The following MIER2 variants were observed in gnomAD, a reference collection of about 807,000 sequenced individuals.
MIER2 encodes the protein MIER family member 2, also known as mesoderm induction early response protein 2.
Under a neutral mutation model 67.6 loss-of-function variants are expected in MIER2, and 30 were observed. The ratio of observed to expected loss-of-function variants is 0.44; its 90% CI spans 0.33 to 0.60. MIER2 has a LOEUF of 0.60. MIER2 is among the 20% of genes least tolerant of loss of function. The pLI, the probability that MIER2 is intolerant of heterozygous loss-of-function variation, is 0.02. For synonymous variants in MIER2, 372 were observed against 312.6 expected (o/e 1.19, Z -2.00); for missense variants, 702 against 745.1 (o/e 0.94, Z 0.67).
In MIER2 at chr19:343,966, G is replaced by A. The variant is rs907727099; in HGVS notation, c.9+808C>T. The A allele has an allele frequency of 1.0e-5, 10 of 985,272 alleles. No homozygotes were observed. In the African/African-American group the frequency reaches 1.6e-4, roughly 15 times the overall value. The allele number at this position is 985,272 out of a possible 1,614,324, so 61.0% of individuals were successfully genotyped here. Reference sequence around the variant, plus strand: ...GCTATCTGTTGTCTTATCCTAGACAGTCCTAGGTGGGTTTGATCAAACATC... The same window carrying A: ...GCTATCTGTTGTCTTATCCTAGACAATCCTAGGTGGGTTTGATCAAACATC... On this transcript the variant is annotated intron_variant, in intron 1 of 13. Coordinates refer to ENST00000264819, the MANE Select transcript of MIER2 (RefSeq NM_017550.3).
intron 10 of MIER2, among the ~76,000 whole-genome samples, chr19:311,005 C>G (rs185562862): frequency 2.0e-5 from 3 of 152,262 alleles, no homozygotes; most frequent in Non-Finnish European, 4.4e-5. Context: ...CTGCTGCGCA[C>G]GGCACCGCAC....
At position 307,904 on chromosome 19, in the gene MIER2, G is replaced by A. The variant is rs117616171; in HGVS notation, c.1199-368C>T. Among the ~76,000 whole-genome samples the A allele has an allele frequency of 3.0e-3, 369 of 122,532 alleles. 3 individuals are homozygous for A. Among genetic ancestry groups the A allele is most frequent in the Middle Eastern group, 4.6e-3 (1 of 218 alleles). 80.4% of individuals were successfully genotyped at this position (122,532 alleles called of 152,430 possible). A position where few individuals can be genotyped will look rare whatever the true frequency, so the allele number is the denominator to read the frequency against. ...GGGGCGCTGCGAGGGCTAATACAGG[G>A]TCTTTGGAAGTTTTGTTCCCACAGG... On this transcript the variant is annotated intron_variant, in intron 12 of 13. Transcript: ENST00000264819.
chr19:325,880 G>A (rs1004323397), intron 6 of MIER2, among the ~76,000 whole-genome samples, 176 bp from the exon 7 acceptor site: 28 of 152,366 alleles, frequency 1.8e-4, no homozygotes, highest in African/African-American at 5.3e-4. Context: ...GGAGGCAGAG[G>A]CCTGGGTGTG....
rs2289871 is a variant in MIER2, at chr19:311,825, C to T, written c.984+20G>A. ...CCAGATCGAGAAGCCCCCGGTGGAG[C>T]CTGGCAGTGGAGTCCGCACCTTGTT... On this transcript the variant is annotated intron_variant, in intron 10 of 13. Transcript: ENST00000264819. 1.2e-6 allele frequency: 2 copies of T among 1,613,038 alleles called. No homozygotes were observed. The highest frequency in any genetic ancestry group is 1.1e-5 in the South Asian group (1 of 91,032).
At position 327,908 on chromosome 19, in the gene MIER2, CCTCA is replaced by C; in HGVS notation, c.321_324del (p.Ser107ArgfsTer12). ...GGGAGGTTCGGGGCCACGTCACCAC[CCTCA>C]CTCTCCCGGTCTGAAATGGGGTCTG... On this transcript the variant is annotated frameshift_variant, in exon 4 of 14. Transcript: ENST00000264819. LOFTEE classifies it high-confidence loss of function. The C allele has an allele frequency of 6.2e-7, 1 of 1,612,840 alleles. No homozygotes were observed. The highest frequency in any genetic ancestry group is 8.5e-7 in the Non-Finnish European group (1 of 1,179,436).
chr19:312,311 G>C (rs60199290), intron 8 of MIER2, 39 bp from the exon 9 acceptor site: 202,809 of 1,592,226 alleles, frequency 0.13, 18,736 homozygotes, highest in African/African-American at 0.48. Context: ...TGGGCTCAGC[G>C]CAGGAGCCGA....
chr19:327,183 G>A lies in MIER2; in HGVS notation c.443C>T (p.Pro148Leu), dbSNP rs201881025. Residue 148 changes from proline (P) to leucine (L), a missense_variant, in exon 5 of 14, where the codon CCG becomes CTG. Physicochemically the swap from Pro to Leu is moderately conservative, Grantham distance 98. Coordinates refer to ENST00000264819, the MANE Select transcript of MIER2 (RefSeq NM_017550.3). ...ETQSSADDLT[P>L]SVTSHEASDL... is the part of the protein sequence containing the mutation. ...GGAGGCCTCGTGGGAGGTCACGGAC[G>A]GGGTGAGGTCGTCAGCAGATGATTG... 206 of 1,596,606 alleles carry A rather than the reference G, an allele frequency of 1.3e-4. No individual in the cohort carries two copies. The highest frequency in any genetic ancestry group is 1.1e-4 in the East Asian group (5 of 44,566).
intron 1 of MIER2, among the ~76,000 whole-genome samples, chr19:339,808 TGGGA>T (rs1031599936): frequency 1.8e-5 from 2 of 112,866 alleles, no homozygotes; most frequent in African/African-American, 7.5e-5. Context: ...GGAAAGGGGC[TGGGA>T]GTTGATCTGG....
At chr19:334,932 G>T (rs1040156495) in intron 2 of MIER2, among the ~76,000 whole-genome samples, 1 of 152,140 alleles carries the variant, frequency 6.6e-6, no homozygotes, top group African/African-American at 2.4e-5. Flanking sequence ...TCCTGAAACG[G>T]GGGTGACGCT....
In MIER2 at chr19:327,147, G is replaced by C; in HGVS notation, c.479C>G (p.Pro160Arg). The change falls in exon 5 of 14, where the codon CCT (proline) becomes CGT (arginine). Residue 160 changes from proline to arginine, a missense_variant. Physicochemically the swap from Pro to Arg is moderately radical, Grantham distance 103 (BLOSUM62 -2). Coordinates refer to ENST00000264819, the MANE Select transcript of MIER2 (RefSeq NM_017550.3). Reference protein sequence around the residue: ...VTSHEASDLFPNRSGSRFLAD... With the variant: ...VTSHEASDLFRNRSGSRFLAD... ...GAGTCACCTACATCCACTCCGGTTA[G>C]GGAAGAGGTCGGAGGCCTCGTGGGA... 1 of 1,586,288 alleles carries C rather than the reference G, an allele frequency of 6.3e-7. No individual in the cohort carries two copies. Among genetic ancestry groups the C allele is most frequent in the Non-Finnish European group, 8.5e-7 (1 of 1,172,412 alleles).
At chr19:337,868 C>CAAAAAAAA (rs1418469284) in intron 1 of MIER2, among the ~76,000 whole-genome samples, 1 of 16,730 alleles carries the variant, frequency 6.0e-5, no homozygotes, top group Non-Finnish European at 9.6e-5. Context: ...GACTCCATCT[C>CAAAAAAAA]ACAAAAAAAA....
intron 1 of MIER2, among the ~76,000 whole-genome samples, chr19:340,755 T>C (rs1972467871): frequency 6.6e-6 from 1 of 152,130 alleles, no homozygotes; most frequent in Non-Finnish European, 1.5e-5. Context: ...GGAGTGACTC[T>C]GGCAACAAGG....
At chr19:317,563 T>C (rs189671070) in intron 7 of MIER2, among the ~76,000 whole-genome samples, 5 of 145,618 alleles carry the variant, frequency 3.4e-5, no homozygotes, top group African/African-American at 1.0e-4. Context: ...AATAAATAAA[T>C]AAAATAAAAA....
In MIER2 at chr19:343,879, C is replaced by T. The variant is rs1972617739; in HGVS notation, c.9+895G>A. On this transcript the variant is annotated intron_variant, in intron 1 of 13. Coordinates refer to ENST00000264819, the MANE Select transcript of MIER2 (RefSeq NM_017550.3). ...AGTCCACACAGGCTCATCCACCACT[C>T]CAAAATCAAAAAAAGCTTCAAAAGC... is the stretch of plus-strand genomic sequence containing the variant. 2.0e-6 allele frequency: 2 copies of T among 985,372 alleles called. 1 individual carries two copies. Among genetic ancestry groups the T allele is most frequent in the Middle Eastern group, 1.0e-3 (2 of 1,914 alleles). The allele number at this position is 985,372 out of a possible 1,614,324, so 61.0% of individuals were successfully genotyped here. A position where few individuals can be genotyped will look rare whatever the true frequency, so the allele number is the denominator to read the frequency against.
At chr19:313,791 GCTC>G in intron 7 of MIER2, 148 bp from the exon 8 acceptor site, 1 of 1,119,926 alleles carries the variant, frequency 8.9e-7, no homozygotes, top group Non-Finnish European at 1.2e-6. Flanking sequence ...CCATCCCTGT[GCTC>G]CTCCTGGGCT....
chr19:342,741 G>A (rs1307898849), intron 1 of MIER2, among the ~76,000 whole-genome samples: 1 of 151,566 alleles, frequency 6.6e-6, no homozygotes, highest in Non-Finnish European at 1.5e-5. Context: ...CCACTTTTAC[G>A]GGTTAAAAAC....
At chr19:320,406 T>C (rs893389832) in intron 7 of MIER2, among the ~76,000 whole-genome samples, 6 of 151,604 alleles carry the variant, frequency 4.0e-5, no homozygotes, top group African/African-American at 1.5e-4. Context: ...GATAGATAAA[T>C]AAATAAAATT....
In MIER2 at chr19:310,621, G is replaced by GC. The variant is rs1186077852; in HGVS notation, c.984+1223dup. ...CACAGCCGGGAGCTATAGAAACACAGCCCGGAGCTATAGAAACAGCCCAGA... is the reference window on the plus strand; with the variant it reads ...CACAGCCGGGAGCTATAGAAACACAGCCCCGGAGCTATAGAAACAGCCCAGA... On this transcript the variant is annotated intron_variant, in intron 10 of 13. Coordinates refer to ENST00000264819, the MANE Select transcript of MIER2 (RefSeq NM_017550.3). 6.2e-4 allele frequency among the ~76,000 whole-genome samples: 84 copies of GC among 135,416 alleles called. 1 individual carries two copies. The highest frequency in any genetic ancestry group is 1.2e-3 in the African/African-American group (39 of 32,346). 88.8% of individuals were successfully genotyped at this position (135,416 alleles called of 152,430 possible).
intron 7 of MIER2, among the ~76,000 whole-genome samples, chr19:317,315 C>G (rs1183339356): frequency 1.3e-5 from 2 of 152,012 alleles, no homozygotes; most frequent in Non-Finnish European, 2.9e-5. Context: ...ATCACGAGGT[C>G]AGGAGATCGA....
Sources: allele counts gnomAD v4.1 joint callset (sites outside exome capture counted in the v4.1 genomes callset), GRCh38; gene constraint gnomAD v4.1.1; transcripts MANE v1.5; gene names NCBI Gene and HGNC (gene_info 2026-07-23, HGNC 2026-07-21).